Variants in ZBTB34 observed in about 807,000 individuals in gnomAD.
ZBTB34 encodes the protein zinc finger and BTB domain containing 34.
In ZBTB34, 1 loss-of-function variant was observed where a neutral mutation model predicts 33.4. That is an observed-to-expected ratio of 0.03 (90% CI 0.01 to 0.14). The LOEUF (loss-of-function observed/expected upper bound fraction) is 0.14. ZBTB34 is among the 10% of genes least tolerant of loss of function. The pLI is 1.00. For missense variants in ZBTB34, 406 were observed against 657.2 expected, an observed-to-expected ratio of 0.62 and a Z score of 4.18; for synonymous variants, 283 against 253.5, an observed-to-expected ratio of 1.12 and a Z score of -1.11.
chr9:126,884,256 G>T (rs1345055019), exon 2 of ZBTB34: 2 of 166,916 alleles, frequency 1.2e-5, no homozygotes, highest in African/African-American at 4.8e-5. Flanking sequence ...TGAAGACAAA[G>T]AATTTTATAC....
At chr9:126,878,726 G>T (rs1021213322) in intron 1 of ZBTB34, among the ~76,000 whole-genome samples, 209 of 133,714 alleles carry the variant, frequency 1.6e-3, no homozygotes, top group Middle Eastern at 3.9e-3. Flanking sequence ...TTTTTGTTTT[G>T]TTTTTTTTTT....
intron 1 of ZBTB34, among the ~76,000 whole-genome samples, chr9:126,874,419 T>C (rs2033327397): frequency 6.6e-6 from 1 of 152,156 alleles, no homozygotes; most frequent in South Asian, 2.1e-4. Flanking sequence ...TGTTTTTTGC[T>C]GAAAAGTATT....
At chr9:126,883,733 A>G (rs1433441366) in exon 2 of ZBTB34, 1 of 167,102 alleles carries the variant, frequency 6.0e-6, no homozygotes. Flanking sequence ...ACAGTACTGT[A>G]AAGTTCCGCA....
In ZBTB34 at chr9:126,880,686, T is replaced by C; in HGVS notation, c.1287T>C (p.Asp429=). ...ACCACATCCGGGGCCATACAGATGA[T>C]AAACCATTCCGCTGTGAGATCTGCG... The change falls in exon 2 of 2, where the codon GAT becomes GAC. Residue 429 remains aspartate, a synonymous_variant. Coordinates refer to ENST00000319119, the Ensembl canonical transcript of ZBTB34. The surrounding 1 kb of genome is among the most constrained non-coding windows in gnomAD (Gnocchi z 6.7). 1 of 1,613,834 alleles carries C rather than the reference T, an allele frequency of 6.2e-7. No homozygotes were observed. Among genetic ancestry groups the C allele is most frequent in the Non-Finnish European group, 8.5e-7 (1 of 1,179,892 alleles).
chr9:126,874,154 G>A (rs1242207968), intron 1 of ZBTB34, among the ~76,000 whole-genome samples: 1 of 143,514 alleles, frequency 7.0e-6, no homozygotes, highest in African/African-American at 2.6e-5. Context: ...CCAGTCTCCT[G>A]CCTCAGCCTC....
At chr9:126,871,159 A>AG (rs2033271872) in intron 1 of ZBTB34, among the ~76,000 whole-genome samples, 1 of 150,618 alleles carries the variant, frequency 6.6e-6, no homozygotes, top group South Asian at 2.1e-4. Context: ...CTTACATAAG[A>AG]AAGCCAAGAT....
chr9:126,862,878 G>T (rs1281599316), intron 1 of ZBTB34, among the ~76,000 whole-genome samples: 2 of 147,544 alleles, frequency 1.4e-5, no homozygotes, highest in Non-Finnish European at 3.0e-5. Flanking sequence ...CCTGATTTTT[G>T]TTGGTAAACA....
At chr9:126,867,170 G>A (rs1488350738) in intron 1 of ZBTB34, among the ~76,000 whole-genome samples, 1 of 148,802 alleles carries the variant, frequency 6.7e-6, no homozygotes, top group Non-Finnish European at 1.5e-5. Context: ...ATTCTTAGTG[G>A]TTGTTCTCAT....
chr9:126,863,982 C>T (rs2033171290), intron 1 of ZBTB34, among the ~76,000 whole-genome samples: 1 of 152,180 alleles, frequency 6.6e-6, no homozygotes, highest in Non-Finnish European at 1.5e-5. Flanking sequence ...TGAAGTACAA[C>T]ATATTGTGAC....
At chr9:126,874,036 CTTTTTTTTTTTTT>C (rs781115278) in intron 1 of ZBTB34, among the ~76,000 whole-genome samples, 1 of 66,034 alleles carries the variant, frequency 1.5e-5, no homozygotes, top group South Asian at 5.9e-4. Flanking sequence ...TGTGTATGTT[CTTTTTTTTTTTTT>C]TTTTTTTTTT....
rs373752401 is a variant in ZBTB34, at chr9:126,880,790, G to A, written c.1391G>A (p.Arg464His). The A allele has an allele frequency of 8.7e-6, 14 of 1,613,684 alleles. No homozygotes were observed. The highest frequency in any genetic ancestry group is 1.6e-4 in the Middle Eastern group (1 of 6,062). The change falls in exon 2 of 2, where the codon CGC becomes CAC. Residue 464 changes from arginine (R) to histidine (H), a missense_variant. By Grantham distance (29) the Arg-to-His change is conservative. This residue lies in a region of ZBTB34 where 58 missense variants were observed against 58.7 expected (regional missense o/e 0.99). Transcript: ENST00000319119. The surrounding 1 kb of genome is among the most constrained non-coding windows in gnomAD (Gnocchi z 6.7). The stretch of plus-strand genomic sequence containing the variant: ...CCAGGCGTTGCTGAAGTCAGGAGTC[G>A]CATTGAGTCCCCCGAGAGAACAGAT...
rs74324781 is a variant in ZBTB34 at position 126,879,697 on chromosome 9, C to T, written c.298C>T (p.Leu100=). The change falls in exon 2 of 2, where the codon CTG becomes TTG. Residue 100 remains leucine, a synonymous_variant. Coordinates refer to ENST00000319119, the Ensembl canonical transcript of ZBTB34. The surrounding 1 kb of genome is among the most constrained non-coding windows in gnomAD (Gnocchi z 6.4). ...TTACACTGGAAGAATGTCCTTGCAG[C>T]TGAAGGATGTTGTCAGTTTTCTGAC... 3.0e-3 allele frequency: 4,873 copies of T among 1,613,566 alleles called. 142 individuals carry two copies. The African/African-American group carries it at 0.056, about 18-fold the overall frequency.
chr9:126,873,055 G>A (rs151113366), intron 1 of ZBTB34, among the ~76,000 whole-genome samples: 1 of 152,240 alleles, frequency 6.6e-6, no homozygotes, highest in African/African-American at 2.4e-5. Flanking sequence ...ATTCCTTTCT[G>A]TACTGGTTTT....
At chr9:126,873,588 G>A (rs1008088770) in intron 1 of ZBTB34, among the ~76,000 whole-genome samples, 1 of 151,586 alleles carries the variant, frequency 6.6e-6, no homozygotes, top group African/African-American at 2.4e-5. Flanking sequence ...GTTTACTGAT[G>A]AAGTTGTTAA....
chr9:126,861,332 G>T (rs966645226), intron 1 of ZBTB34, among the ~76,000 whole-genome samples: 1 of 152,202 alleles, frequency 6.6e-6, no homozygotes, highest in Non-Finnish European at 1.5e-5. Context: ...GCTGGGCTGG[G>T]GCTGACCGGG....
chr9:126,862,208 T>C (rs2033151336), intron 1 of ZBTB34, among the ~76,000 whole-genome samples: 1 of 152,150 alleles, frequency 6.6e-6, no homozygotes, highest in African/African-American at 2.4e-5. Context: ...CCAGTGATCC[T>C]ATGGAGTTAG....
At chr9:126,869,460 T>C (rs1166963958) in intron 1 of ZBTB34, among the ~76,000 whole-genome samples, 14 of 152,122 alleles carry the variant, frequency 9.2e-5, no homozygotes, top group Admixed American at 9.2e-4. Context: ...TGGCATGTAT[T>C]ACACATTCAA....
chr9:126,880,879 A>T lies in ZBTB34; in HGVS notation c.1480A>T (p.Met494Leu). ...CTCAGAGATGGGCCTAGATTCCCGG[A>T]TGGAAATTCACACAGTGTCTGATGC... Residue 494 changes from methionine to leucine, a missense_variant, in exon 2 of 2, where the codon ATG (methionine) becomes TTG (leucine). Physicochemically the swap from Met to Leu is conservative, Grantham distance 15. Transcript: ENST00000319119. This position sits in a 1 kb window ranked among gnomAD's most constrained non-coding sequence, Gnocchi z 6.7. The T allele has an allele frequency of 6.2e-7, 1 of 1,612,926 alleles. No homozygotes were observed. Among genetic ancestry groups the T allele is most frequent in the Non-Finnish European group, 8.5e-7 (1 of 1,179,642 alleles).
chr9:126,861,096 G>T lies in ZBTB34; in HGVS notation c.-11+357G>T, dbSNP rs117778784. Among the ~76,000 whole-genome samples the T allele has an allele frequency of 8.5e-3, 1,298 of 152,212 alleles. 81 individuals carry two copies. The East Asian group carries it at 0.16, about 19-fold the overall frequency. On this transcript the variant is annotated intron_variant, in intron 1 of 1. Transcript: ENST00000319119. ...GCGTCTCGGGATCCCCAGCTTCCGG[G>T]CCCCTAGCCCTGGGGGCGCTCCCTT...
Sources: allele counts gnomAD v4.1 joint callset (sites outside exome capture counted in the v4.1 genomes callset), GRCh38; gene constraint gnomAD v4.1.1; regional missense constraint gnomAD v4.1.1; non-coding constraint Gnocchi (gnomAD v3.1); transcripts MANE v1.5; gene names NCBI Gene and HGNC (gene_info 2026-07-23, HGNC 2026-07-21).